The following MDGA2 variants were observed in gnomAD, a reference collection of about 807,000 sequenced individuals.
MDGA2 encodes the protein MAM domain-containing glycosylphosphatidylinositol anchor protein 2.
MDGA2 carries 40 observed loss-of-function variants against 117.8 expected under a neutral mutation model. The observed-to-expected ratio is 0.34, with a 90% CI of 0.26 to 0.44. The LOEUF is 0.44. MDGA2 is among the 20% of genes least tolerant of loss of function. The probability of loss-of-function intolerance (pLI) is 1.00; values close to 1 mark genes in which losing one functional copy is unlikely to be tolerated. For synonymous variants in MDGA2, 452 were observed against 439.0 expected (o/e 1.03, Z -0.37); for missense variants, 1,123 against 1,250.6 (o/e 0.90, Z 1.54).
At chr14:47,229,630 C>T (rs1886621462) in intron 2 of MDGA2, among the ~76,000 whole-genome samples, 2 of 151,416 alleles carry the variant, frequency 1.3e-5, no homozygotes, top group East Asian at 1.9e-4. Context: ...AAACTGCATT[C>T]ATTAGAAATG....
chr14:47,444,711 A>G (rs1322296090), intron 1 of MDGA2, among the ~76,000 whole-genome samples: 2 of 152,132 alleles, frequency 1.3e-5, no homozygotes, highest in Non-Finnish European at 2.9e-5. Context: ...AGACCTTTAA[A>G]AAAATGGAAG....
chr14:47,131,658 T>C, intron 5 of MDGA2, 56 bp downstream of exon 5: 1 of 1,359,098 alleles, frequency 7.4e-7, no homozygotes, highest in Non-Finnish European at 9.9e-7. Context: ...TTAAAGAGAG[T>C]TTTTAAACAT....
chr14:47,593,390 C>T (rs1896477938), intron 1 of MDGA2, among the ~76,000 whole-genome samples: 1 of 152,088 alleles, frequency 6.6e-6, no homozygotes, highest in Non-Finnish European at 1.5e-5. Context: ...GGTGTATACC[C>T]AAAGGAATGT....
chr14:47,061,199 A>G (rs887064980), intron 7 of MDGA2, 50 bp downstream of exon 7: 1 of 1,499,602 alleles, frequency 6.7e-7, no homozygotes, highest in Non-Finnish European at 9.1e-7. Flanking sequence ...GTTAAACTTC[A>G]ATCATTCTAA....
intron 14 of MDGA2, among the ~76,000 whole-genome samples, chr14:46,858,421 TTTTTTTC>T (rs1441951944): frequency 5.8e-5 from 8 of 137,614 alleles, no homozygotes; most frequent in South Asian, 2.4e-4. Context: ...TTTCTTTTTC[TTTTTTTC>T]TTTTTTTTTT....
chr14:47,595,284 C>A (rs1180328142), intron 1 of MDGA2, among the ~76,000 whole-genome samples: 2 of 151,886 alleles, frequency 1.3e-5, no homozygotes, highest in Non-Finnish European at 2.9e-5. Flanking sequence ...TTAGTAATCC[C>A]AGCCCTTTGG....
chr14:47,434,464 G>A (rs968738746), intron 1 of MDGA2, among the ~76,000 whole-genome samples: 24 of 152,144 alleles, frequency 1.6e-4, no homozygotes, highest in African/African-American at 5.8e-4. Context: ...TTTTCAGTTG[G>A]AAAGCTAACA....
intron 1 of MDGA2, among the ~76,000 whole-genome samples, chr14:47,461,729 T>C (rs1397079948): frequency 6.6e-6 from 1 of 152,134 alleles, no homozygotes; most frequent in Non-Finnish European, 1.5e-5. Context: ...TAGGTATGTA[T>C]TGAAAAGAAC....
At chr14:47,551,171 A>G (rs1594912744) in intron 1 of MDGA2, among the ~76,000 whole-genome samples, 1 of 152,084 alleles carries the variant, frequency 6.6e-6, no homozygotes, top group Admixed American at 6.5e-5. Flanking sequence ...AATTAAGAGG[A>G]TAATATTGTT....
intron 1 of MDGA2, among the ~76,000 whole-genome samples, chr14:47,516,616 A>G (rs1163578189): frequency 1.3e-5 from 2 of 152,182 alleles, no homozygotes; most frequent in Non-Finnish European, 2.9e-5. Flanking sequence ...GGGAAGTACC[A>G]GAAGAAATGC....
intron 1 of MDGA2, among the ~76,000 whole-genome samples, chr14:47,458,722 A>G (rs10147892): frequency 0.67 from 101,914 of 151,748 alleles, 34,748 homozygotes; most frequent in East Asian, 0.98. Flanking sequence ...AGGTTGTGGT[A>G]ATTATTTCAC....
chr14:47,450,045 CTA>C (rs1054606680), intron 1 of MDGA2, among the ~76,000 whole-genome samples: 43 of 151,672 alleles, frequency 2.8e-4, no homozygotes, highest in East Asian at 1.9e-4. Flanking sequence ...ACGATGTTTT[CTA>C]TATATATATA....
At chr14:47,487,692 G>C (rs952884808) in intron 1 of MDGA2, among the ~76,000 whole-genome samples, 4 of 151,892 alleles carry the variant, frequency 2.6e-5, no homozygotes, top group African/African-American at 9.7e-5. Context: ...TAAGTTTATT[G>C]GTTGCTTATT....
chr14:46,929,580 CGTGT>C (rs375013114), intron 9 of MDGA2, among the ~76,000 whole-genome samples: 29 of 32,992 alleles, frequency 8.8e-4, no homozygotes, highest in African/African-American at 2.1e-3. Flanking sequence ...AGTATATATA[CGTGT>C]GTGTGTGTGT....
At chr14:46,867,992 A>G (rs757191208) in intron 14 of MDGA2, among the ~76,000 whole-genome samples, 2 of 151,978 alleles carry the variant, frequency 1.3e-5, no homozygotes, top group Non-Finnish European at 2.9e-5. Context: ...ACTAAACTGC[A>G]TACTTTCAAT....
chr14:47,074,575 C>G (rs745306468), intron 6 of MDGA2, among the ~76,000 whole-genome samples: 1 of 152,240 alleles, frequency 6.6e-6, no homozygotes, highest in Non-Finnish European at 1.5e-5. Flanking sequence ...GCTGGGATTA[C>G]AGGCGTGAGC....
intron 1 of MDGA2, among the ~76,000 whole-genome samples, chr14:47,317,759 A>G (rs745661518): frequency 6.6e-6 from 1 of 152,068 alleles, no homozygotes; most frequent in Non-Finnish European, 1.5e-5. Context: ...TGGAGAACAC[A>G]TACATCACGT....
At chr14:47,112,676 A>T (rs1258905028) in intron 5 of MDGA2, among the ~76,000 whole-genome samples, 3 of 152,112 alleles carry the variant, frequency 2.0e-5, no homozygotes, top group African/African-American at 7.2e-5. Context: ...TGTCTTTGCT[A>T]TTGGAAACAG....
chr14:47,097,369 C>A (rs1364121204), intron 5 of MDGA2, among the ~76,000 whole-genome samples: 8 of 151,884 alleles, frequency 5.3e-5, no homozygotes, highest in South Asian at 4.1e-4. Context: ...TTTATGTTTC[C>A]TGGATTATTG....
Sources: gnomAD v4.1 joint callset for allele counts (sites outside exome capture counted in the v4.1 genomes callset) on GRCh38, gnomAD v4.1.1 for gene constraint, MANE v1.5 for transcripts, NCBI Gene and HGNC (gene_info 2026-07-23, HGNC 2026-07-21) for gene names.